NR2C2: variants seen among roughly 807,000 people sequenced by gnomAD.
NR2C2 encodes the protein Nuclear hormone receptor TR4.
NR2C2 carries 6 observed loss-of-function variants against 62.9 expected under a neutral mutation model. That is an observed-to-expected ratio of 0.10 (90% CI 0.05 to 0.19). The LOEUF (loss-of-function observed/expected upper bound fraction) is 0.19, where lower values mean the gene tolerates loss of function less well. NR2C2 is among the 10% of genes least tolerant of loss of function. The pLI is 1.00. For synonymous variants in NR2C2, 272 were observed against 273.8 expected (o/e 0.99, Z 0.07); for missense variants, 479 against 762.7 (o/e 0.63, Z 4.38).
chr3:15,016,844 GA>G (rs1351535323), intron 4 of NR2C2, among the ~76,000 whole-genome samples: 1 of 152,206 alleles, frequency 6.6e-6, no homozygotes, highest in Non-Finnish European at 1.5e-5. Context: ...GTATCCTTGA[GA>G]GAGAGCTCAT....
chr3:15,043,547 C>T lies in NR2C2; in HGVS notation c.*539C>T, dbSNP rs1194214363. 1.3e-5 allele frequency: 2 copies of T among 152,782 alleles called. No homozygotes were observed. The highest frequency in any genetic ancestry group is 2.9e-5 in the Non-Finnish European group (2 of 68,038). 9.5% of individuals were successfully genotyped at this position (152,782 alleles called of 1,614,324 possible). On this transcript the variant is annotated 3_prime_UTR_variant, in exon 14 of 14. Coordinates refer to ENST00000425241, the MANE Select transcript of NR2C2 (RefSeq NM_001291694.2). Reference sequence around the variant, plus strand: ...ATTTCTGTGAAAACTCACTAGGGTACAGGAGACAATCATTTATGTTTAAGA... The same window carrying T: ...ATTTCTGTGAAAACTCACTAGGGTATAGGAGACAATCATTTATGTTTAAGA...
At chr3:14,991,460 C>T (rs1357001551) in intron 1 of NR2C2, among the ~76,000 whole-genome samples, 1 of 152,192 alleles carries the variant, frequency 6.6e-6, no homozygotes, top group African/African-American at 2.4e-5. Flanking sequence ...TGGTACATTT[C>T]AGTTCAAGCT....
chr3:14,998,322 T>C (rs1416333862), intron 1 of NR2C2, among the ~76,000 whole-genome samples: 2 of 152,206 alleles, frequency 1.3e-5, no homozygotes, highest in East Asian at 3.8e-4. Context: ...AACTCTGTGT[T>C]TACCCTTTGA....
intron 1 of NR2C2, among the ~76,000 whole-genome samples, chr3:14,969,913 G>A (rs1274949340): frequency 6.6e-6 from 1 of 152,194 alleles, no homozygotes; most frequent in African/African-American, 2.4e-5. Flanking sequence ...ACAAAATGCA[G>A]TATTGGCAAG....
chr3:14,970,228 G>C (rs1175725897), intron 1 of NR2C2, among the ~76,000 whole-genome samples: 2 of 113,242 alleles, frequency 1.8e-5, no homozygotes, highest in South Asian at 3.1e-4. Context: ...TCTAATTCTT[G>C]ATTTATCGGG....
chr3:15,032,267 CA>C, intron 9 of NR2C2, 111 bp from the exon 10 acceptor site: 2 of 1,454,710 alleles, frequency 1.4e-6, no homozygotes, highest in Non-Finnish European at 1.9e-6. Context: ...CAGAATCAGA[CA>C]GCAACTCTAG....
chr3:15,030,184 C>A, intron 8 of NR2C2, 91 bp from the exon 9 acceptor site: 1 of 1,066,720 alleles, frequency 9.4e-7, no homozygotes, highest in Non-Finnish European at 1.4e-6. Context: ...TTATCTTTTC[C>A]CACTGTAGTT....
intron 1 of NR2C2, among the ~76,000 whole-genome samples, chr3:14,983,685 C>A (rs2040439075): frequency 6.6e-6 from 1 of 152,160 alleles, no homozygotes; most frequent in South Asian, 2.1e-4. Context: ...ATAGAACACA[C>A]CAGTAAAACT....
rs1320969173 is a variant in NR2C2 at position 15,047,446 on chromosome 3, C to A, written c.*4438C>A. 2 of 152,218 alleles carry A rather than the reference C, an allele frequency of 1.3e-5. No individual in the cohort carries two copies. Among genetic ancestry groups the A allele is most frequent in the Admixed American group, 1.3e-4 (2 of 15,274 alleles). The allele number at this position is 152,218 out of a possible 1,614,324, so 9.4% of individuals were successfully genotyped here. ...ACTAAGTGGGAATTTTTAACCTTTT[C>A]ATGCACCTATTCATGGCCCTACCTG... On this transcript the variant is annotated 3_prime_UTR_variant, in exon 14 of 14. Transcript: ENST00000425241.
At position 15,034,828 on chromosome 3, in the gene NR2C2, G is replaced by A. The variant is rs1427751434; in HGVS notation, c.1372+19G>A. The A allele has an allele frequency of 1.9e-6, 3 of 1,599,486 alleles. No homozygotes were observed. The South Asian group carries it at 3.4e-5, about 18-fold the overall frequency. ...CAGGAAGGTAGGGCACAGGGACTTG[G>A]GGCTGGGGTGTGTCTTGGTTCAGCC... On this transcript the variant is annotated intron_variant, in intron 11 of 13. Coordinates refer to ENST00000425241, the MANE Select transcript of NR2C2 (RefSeq NM_001291694.2).
At chr3:14,976,207 T>C (rs967747077) in intron 1 of NR2C2, among the ~76,000 whole-genome samples, 1 of 152,232 alleles carries the variant, frequency 6.6e-6, no homozygotes, top group African/African-American at 2.4e-5. Context: ...TTCTTATTTC[T>C]GTTAACATTT....
intron 9 of NR2C2, among the ~76,000 whole-genome samples, chr3:15,030,662 T>C (rs1221191604): frequency 6.6e-6 from 1 of 152,022 alleles, no homozygotes; most frequent in Non-Finnish European, 1.5e-5. Context: ...ATCCCATCTC[T>C]CCTAAAAATA....
At chr3:15,014,668 C>A (rs2041456156) in intron 3 of NR2C2, among the ~76,000 whole-genome samples, 1 of 152,102 alleles carries the variant, frequency 6.6e-6, no homozygotes, top group Admixed American at 6.5e-5. Flanking sequence ...TCCCCCAGCC[C>A]CTGGTGACCA....
At position 14,947,689 on chromosome 3, in the gene NR2C2, C is replaced by A. The variant is rs1559518631; in HGVS notation, c.-257C>A. The stretch of plus-strand genomic sequence containing the variant: ...AAAACAATAACAAACCCCCCCTTCT[C>A]CGCGACCCCGGCGGCGCCCCCGGGC... On this transcript the variant is annotated 5_prime_UTR_variant, in exon 1 of 14. Coordinates refer to ENST00000425241, the MANE Select transcript of NR2C2 (RefSeq NM_001291694.2). The A allele has an allele frequency of 6.7e-6, 1 of 149,798 alleles. No homozygotes were observed. The highest frequency in any genetic ancestry group is 1.5e-5 in the Non-Finnish European group (1 of 67,036). The allele number at this position is 149,798 out of a possible 1,614,324, so 9.3% of individuals were successfully genotyped here. A position where few individuals can be genotyped will look rare whatever the true frequency, so the allele number is the denominator to read the frequency against.
At chr3:14,953,836 A>G (rs907544958) in intron 1 of NR2C2, among the ~76,000 whole-genome samples, 13 of 150,010 alleles carry the variant, frequency 8.7e-5, no homozygotes, top group African/African-American at 3.2e-4. Context: ...TGGAGGCTGC[A>G]GTGAACCAAG....
intron 1 of NR2C2, among the ~76,000 whole-genome samples, chr3:14,998,235 A>G (rs1188407042): frequency 3.3e-5 from 5 of 152,202 alleles, no homozygotes; most frequent in Non-Finnish European, 4.4e-5. Flanking sequence ...GAACATTTGT[A>G]TACAAGCTTT....
In NR2C2 at chr3:15,039,229, TG is replaced by T. The variant is rs769449929; in HGVS notation, c.1616+3del. On this transcript the variant is annotated splice_donor_region_variant and intron_variant, in intron 13 of 13. Transcript: ENST00000425241. ...AACCTACTCAGAAGACACCTACCGG[TG>T]AGGCATTCAGGCATATGCGCTCTTG... 1 of 1,603,416 alleles carries T rather than the reference TG, an allele frequency of 6.2e-7. No homozygotes were observed. The highest frequency in any genetic ancestry group is 8.5e-7 in the Non-Finnish European group (1 of 1,170,220).
rs1455545536 is a variant in NR2C2, at chr3:14,971,181, A to ATG, written c.-40+23275_-40+23276insTG. Among the ~76,000 whole-genome samples the ATG allele has an allele frequency of 7.6e-3, 1,146 of 149,828 alleles. 25 individuals are homozygous for ATG. The highest frequency in any genetic ancestry group is 0.027 in the African/African-American group (1,059 of 39,400). On this transcript the variant is annotated intron_variant, in intron 1 of 13. Transcript: ENST00000425241. ...CGCCCAGGCTGGAGTGCAGTGGCGC[A>ATG]ATCTTGGCTCACTGCAACCTTTGCC...
At chr3:15,037,111 C>T (rs1156275523) in intron 11 of NR2C2, among the ~76,000 whole-genome samples, 1 of 148,506 alleles carries the variant, frequency 6.7e-6, no homozygotes, top group East Asian at 2.0e-4. Context: ...CAGAGTGAGA[C>T]TCAAAAAAAA....
Sources: allele counts gnomAD v4.1 joint callset (sites outside exome capture counted in the v4.1 genomes callset), GRCh38; gene constraint gnomAD v4.1.1; transcripts MANE v1.5; gene names NCBI Gene and HGNC (gene_info 2026-07-23, HGNC 2026-07-21).